The following GLI2 variants were observed in gnomAD, a reference collection of about 807,000 sequenced individuals.
The protein encoded by GLI2 is GLI family zinc finger 2, also known as transcription activator GLI2.
A neutral mutation model predicts 78.9 loss-of-function variants in GLI2; 22 were observed. That is an observed-to-expected ratio of 0.28 (90% CI 0.20 to 0.40). GLI2 has a LOEUF of 0.40. GLI2 is among the 10% of genes least tolerant of loss of function. The probability of loss-of-function intolerance (pLI) is 1.00; values close to 1 mark genes in which losing one functional copy is unlikely to be tolerated. For synonymous variants in GLI2, 974 were observed against 963.7 expected (o/e 1.01, Z -0.20); for missense variants, 2,097 against 2,213.2 (o/e 0.95, Z 1.05).
chr2:120,902,156 T>C (rs1014509001), intron 2 of GLI2, among the ~76,000 whole-genome samples: 2 of 151,624 alleles, frequency 1.3e-5, no homozygotes, highest in African/African-American at 4.9e-5. Flanking sequence ...ACCATGGAAA[T>C]TGGCACATGC....
rs1303882655 is a variant in GLI2, at chr2:120,989,235, G to C, written c.3270G>C (p.Gln1090His). 2 of 1,613,058 alleles carry C rather than the reference G, an allele frequency of 1.2e-6. No homozygotes were observed. The highest frequency in any genetic ancestry group is 1.3e-5 in the African/African-American group (1 of 74,948). ...PRLPSPGLHGQRRMVAADSNV... is the reference protein window; with the variant it reads ...PRLPSPGLHGHRRMVAADSNV... ...TACCCAGCCCGGGGCTGCACGGCCA[G>C]CGCAGGATGGTGGCTGCGGACTCCA... Residue 1090 changes from glutamine to histidine, a missense_variant, in exon 14 of 14, where the codon CAG becomes CAC. Gln to His is a conservative substitution (Grantham distance 24). Transcript: ENST00000361492.
chr2:120,950,622 G>A (rs1475352660), intron 3 of GLI2, among the ~76,000 whole-genome samples: 1 of 152,212 alleles, frequency 6.6e-6, no homozygotes. Flanking sequence ...GGAATTCCAT[G>A]GAAGGAGAAC....
intron 9 of GLI2, among the ~76,000 whole-genome samples, chr2:120,977,844 C>A (rs1321711474): frequency 6.6e-6 from 1 of 152,160 alleles, no homozygotes; most frequent in Non-Finnish European, 1.5e-5. Context: ...ACTCTCTGTG[C>A]CTTTGTGGAA....
intron 2 of GLI2, among the ~76,000 whole-genome samples, chr2:120,863,389 T>C (rs12052342): frequency 0.24 from 36,185 of 152,174 alleles, 5,032 homozygotes; most frequent in East Asian, 0.64. Context: ...ACACCTGTGA[T>C]TGCACAACCC....
At position 120,986,465 on chromosome 2, in the gene GLI2, G is replaced by A. The variant is rs749660142; in HGVS notation, c.2093G>A (p.Gly698Asp). The change falls in exon 13 of 14, where the codon GGT becomes GAT. Residue 698 changes from glycine (G) to aspartate (D), a missense_variant. Coordinates refer to ENST00000361492, the MANE Select transcript of GLI2 (RefSeq NM_001374353.1). ...TCAGCCCTGGCTGCCCCCTCCGCTG[G>A]TGGCCTCCAGCTGCGCAAACACATG... ...DTSALAAPSA[G>D]GLQLRKHMTT... 1 of 1,614,056 alleles carries A rather than the reference G, an allele frequency of 6.2e-7. No homozygotes were observed. The highest frequency in any genetic ancestry group is 1.1e-5 in the South Asian group (1 of 91,084).
At chr2:120,879,981 ATT>A (rs1677039894) in intron 2 of GLI2, among the ~76,000 whole-genome samples, 1 of 152,140 alleles carries the variant, frequency 6.6e-6, no homozygotes, top group South Asian at 2.1e-4. Context: ...ATATTTTCAT[ATT>A]TCTGCACATC....
chr2:120,739,699 G>A (rs1032348120), intron 1 of GLI2, among the ~76,000 whole-genome samples: 1 of 152,224 alleles, frequency 6.6e-6, no homozygotes, highest in African/African-American at 2.4e-5. Flanking sequence ...GGAACCCGGG[G>A]GAGCACTTCC....
intron 1 of GLI2, among the ~76,000 whole-genome samples, chr2:120,790,883 G>C (rs1684134857): frequency 6.6e-6 from 1 of 152,130 alleles, no homozygotes; most frequent in Non-Finnish European, 1.5e-5. Context: ...CCAGGGCCCT[G>C]CAGGCAGGTG....
intron 2 of GLI2, among the ~76,000 whole-genome samples, chr2:120,802,087 ACAGC>A (rs1334222947): frequency 6.6e-6 from 1 of 151,974 alleles, no homozygotes; most frequent in African/African-American, 2.4e-5. Flanking sequence ...TCTCTTCCAA[ACAGC>A]CAGTTATTTG....
chr2:120,741,948 C>G lies in GLI2; in HGVS notation c.-31+5663C>G, dbSNP rs1472325191. Among the ~76,000 whole-genome samples the G allele has an allele frequency of 2.0e-5, 3 of 152,260 alleles. No individual in the cohort carries two copies. In the East Asian group the frequency reaches 5.8e-4, roughly 30 times the overall value. On this transcript the variant is annotated intron_variant, in intron 1 of 13. Transcript: ENST00000361492. ...CCGCGCCCGGAGCGCGCGAGCGGCT[C>G]CCACCCGGGAAGGGCGCGGGTTCCG...
chr2:120,911,676 G>A (rs1050007794), intron 2 of GLI2, among the ~76,000 whole-genome samples: 3 of 152,144 alleles, frequency 2.0e-5, no homozygotes, highest in Admixed American at 1.3e-4. Flanking sequence ...TGGGCTGGTC[G>A]TTGACTCAGA....
intron 2 of GLI2, among the ~76,000 whole-genome samples, chr2:120,855,835 C>G (rs1444195885): frequency 2.0e-5 from 3 of 152,220 alleles, no homozygotes; most frequent in Non-Finnish European, 2.9e-5. Context: ...AGCCCTGGCT[C>G]TCTGACCCTG....
At chr2:120,787,267 G>T (rs1427086848) in intron 1 of GLI2, among the ~76,000 whole-genome samples, 2 of 152,178 alleles carry the variant, frequency 1.3e-5, no homozygotes, top group Admixed American at 6.5e-5. Context: ...GGAACCTGGG[G>T]GTGCAGATCC....
intron 2 of GLI2, among the ~76,000 whole-genome samples, chr2:120,832,428 G>C (rs953919810): frequency 1.3e-5 from 2 of 152,186 alleles, no homozygotes; most frequent in African/African-American, 4.8e-5. Context: ...GCCTGGGGCT[G>C]AGGCCCAGGC....
intron 2 of GLI2, among the ~76,000 whole-genome samples, chr2:120,879,969 G>A (rs577539096): frequency 7.1e-4 from 108 of 152,296 alleles, no homozygotes; most frequent in African/African-American, 2.5e-3. Context: ...AGGGAAGTGT[G>A]TATATTTTCA....
intron 1 of GLI2, among the ~76,000 whole-genome samples, chr2:120,753,087 G>C (rs905338740): frequency 3.6e-5 from 5 of 139,518 alleles, no homozygotes; most frequent in African/African-American, 1.4e-4. Flanking sequence ...TTTTTTTTCT[G>C]TACGTATTTT....
intron 5 of GLI2, among the ~76,000 whole-genome samples, chr2:120,964,259 T>C (rs906375916): frequency 6.6e-6 from 1 of 152,160 alleles, no homozygotes; most frequent in African/African-American, 2.4e-5. Context: ...TGCAAGTCCC[T>C]GAGCAGGTGT....
At chr2:120,829,032 TACTC>T (rs1424849592) in intron 2 of GLI2, among the ~76,000 whole-genome samples, 5 of 152,166 alleles carry the variant, frequency 3.3e-5, no homozygotes, top group South Asian at 2.1e-4. Context: ...CTGTCACTCA[TACTC>T]ACACACCACA....
At chr2:120,870,151 A>G (rs926825444) in intron 2 of GLI2, among the ~76,000 whole-genome samples, 1 of 152,030 alleles carries the variant, frequency 6.6e-6, no homozygotes, top group East Asian at 1.9e-4. Context: ...TCGTCCAGAC[A>G]CCTGGCCTGC....
Sources: gnomAD v4.1 joint callset for allele counts (sites outside exome capture counted in the v4.1 genomes callset) on GRCh38, gnomAD v4.1.1 for gene constraint, MANE v1.5 for transcripts, NCBI Gene and HGNC (gene_info 2026-07-23, HGNC 2026-07-21) for gene names.